LRP1B: variants seen among roughly 807,000 people sequenced by gnomAD.
LRP1B encodes the protein low-density lipoprotein receptor-related protein 1B.
Under a neutral mutation model 556.6 loss-of-function variants are expected in LRP1B, and 217 were observed. The ratio of observed to expected loss-of-function variants is 0.39; its 90% confidence interval spans 0.35 to 0.44. The LOEUF (loss-of-function observed/expected upper bound fraction) is 0.44. LRP1B is among the 20% of genes least tolerant of loss of function. The pLI is 1.00. For synonymous variants in LRP1B, 2,047 were observed against 1,865.8 expected (o/e 1.10, Z -2.50); for missense variants, 5,053 against 5,620.8 (o/e 0.90, Z 3.23).
chr2:141,396,926 A>C (rs2104916517), intron 3 of LRP1B, among the ~76,000 whole-genome samples: 1 of 151,896 alleles, frequency 6.6e-6, no homozygotes, highest in African/African-American at 2.4e-5. Context: ...CAGCCTGACC[A>C]ACTTGGAGAA....
In LRP1B at chr2:142,124,814, C is replaced by A. The variant is rs1361507402; in HGVS notation, c.82+5834G>T. ...CAAACTAGAAATATGTTGCATAATT[C>A]TTTCAGGGAAATATGTTGTTGTTAT... On this transcript the variant is annotated intron_variant, in intron 1 of 90. Coordinates refer to ENST00000389484, the MANE Select transcript of LRP1B (RefSeq NM_018557.3). Among the ~76,000 whole-genome samples the A allele has an allele frequency of 2.6e-5, 4 of 151,732 alleles. No individual in the cohort carries two copies. The South Asian group carries it at 6.2e-4, about 24-fold the overall frequency.
intron 1 of LRP1B, among the ~76,000 whole-genome samples, chr2:141,825,928 C>A (rs1486088271): frequency 9.2e-5 from 14 of 151,984 alleles, no homozygotes; most frequent in Admixed American, 7.2e-4. Context: ...GTTCATTTTT[C>A]CATAATAAAG....
chr2:141,314,635 G>T (rs2714172), intron 3 of LRP1B, among the ~76,000 whole-genome samples: 2 of 150,324 alleles, frequency 1.3e-5, no homozygotes, highest in African/African-American at 4.9e-5. Flanking sequence ...ACTAAAAATA[G>T]AAAAAATTAG....
At chr2:141,845,441 G>T (rs141767447) in intron 1 of LRP1B, among the ~76,000 whole-genome samples, 2 of 151,824 alleles carry the variant, frequency 1.3e-5, no homozygotes, top group African/African-American at 2.4e-5. Flanking sequence ...ATAATTTTCC[G>T]CAAGATAATA....
At chr2:142,084,435 CAAG>C (rs1041051321) in intron 1 of LRP1B, among the ~76,000 whole-genome samples, 3 of 150,868 alleles carry the variant, frequency 2.0e-5, no homozygotes, top group Non-Finnish European at 4.4e-5. Context: ...TCACGCTCTT[CAAG>C]AAGATCTCAT....
At chr2:142,104,466 T>C (rs947335942) in intron 1 of LRP1B, among the ~76,000 whole-genome samples, 5 of 152,252 alleles carry the variant, frequency 3.3e-5, no homozygotes, top group East Asian at 1.9e-4. Context: ...TTAGCAAAGA[T>C]TGGCCTGAAA....
In LRP1B at chr2:140,598,803, T is replaced by C; in HGVS notation, c.7022A>G (p.His2341Arg). Reference protein sequence around the residue: ...LMFWTNWNEQHPSIMRSTLTG... With the variant: ...LMFWTNWNEQRPSIMRSTLTG... ...CAGAGTAGATCTCATGATACTTGGA[T>C]GTTGTTCATTCCAGTTGGTCCAAAA... Residue 2341 changes from histidine (H) to arginine (R), a missense_variant, in exon 43 of 91, where the codon CAT becomes CGT. Transcript: ENST00000389484. 1.2e-6 allele frequency: 2 copies of C among 1,610,774 alleles called. No homozygotes were observed. The highest frequency in any genetic ancestry group is 2.2e-5 in the East Asian group (1 of 44,772).
intron 3 of LRP1B, among the ~76,000 whole-genome samples, chr2:141,258,212 G>A (rs1397335156): frequency 1.3e-5 from 2 of 152,210 alleles, no homozygotes; most frequent in Non-Finnish European, 2.9e-5. Flanking sequence ...GTCGCTGGAA[G>A]TGGTGGCTCA....
At chr2:140,550,751 T>C (rs368882405) in intron 43 of LRP1B, among the ~76,000 whole-genome samples, 16 of 152,262 alleles carry the variant, frequency 1.1e-4, no homozygotes, top group African/African-American at 3.6e-4. Flanking sequence ...TGGATTTCTT[T>C]AGAGATAGCA....
At chr2:141,246,172 G>A (rs980186312) in intron 5 of LRP1B, among the ~76,000 whole-genome samples, 2 of 152,184 alleles carry the variant, frequency 1.3e-5, no homozygotes, top group Admixed American at 6.5e-5. Context: ...GTGATGTAGA[G>A]GGTATATACC....
At chr2:141,331,495 T>C (rs1687644018) in intron 3 of LRP1B, among the ~76,000 whole-genome samples, 1 of 139,778 alleles carries the variant, frequency 7.2e-6, no homozygotes, top group African/African-American at 2.9e-5. Flanking sequence ...CTTTTCTTTC[T>C]TTCTTTCCTT....
intron 1 of LRP1B, among the ~76,000 whole-genome samples, chr2:142,038,105 A>G (rs1164851894): frequency 6.6e-6 from 1 of 151,508 alleles, no homozygotes; most frequent in Non-Finnish European, 1.5e-5. Context: ...TTAAAGCAAC[A>G]CTTTTGATCT....
intron 2 of LRP1B, among the ~76,000 whole-genome samples, chr2:141,730,153 C>T (rs531204276): frequency 8.9e-4 from 135 of 152,184 alleles, no homozygotes; most frequent in African/African-American, 3.1e-3. Flanking sequence ...TTTTGGCTTT[C>T]GTAGTAGAAG....
chr2:140,352,315 A>G (rs1170022287), intron 76 of LRP1B, among the ~76,000 whole-genome samples: 1 of 151,972 alleles, frequency 6.6e-6, no homozygotes, highest in Non-Finnish European at 1.5e-5. Context: ...AGCTGGGACT[A>G]CAGGTGTGTA....
intron 60 of LRP1B, among the ~76,000 whole-genome samples, chr2:140,461,900 T>C (rs1434632089): frequency 2.0e-5 from 3 of 152,128 alleles, no homozygotes; most frequent in Non-Finnish European, 2.9e-5. Context: ...AAAAATAGGA[T>C]ATAGAATGCA....
intron 63 of LRP1B, among the ~76,000 whole-genome samples, chr2:140,446,855 AC>A (rs1335848259): frequency 6.6e-6 from 1 of 152,078 alleles, no homozygotes; most frequent in Non-Finnish European, 1.5e-5. Flanking sequence ...AAACTTATGT[AC>A]AAAAAAAGAA....
chr2:141,452,191 A>T (rs972346525), intron 3 of LRP1B, among the ~76,000 whole-genome samples: 9 of 152,176 alleles, frequency 5.9e-5, no homozygotes, highest in African/African-American at 2.2e-4. Context: ...CTGGAAAAAA[A>T]AAGAGATAAG....
At chr2:141,345,557 A>G (rs1406330643) in intron 3 of LRP1B, among the ~76,000 whole-genome samples, 1 of 151,960 alleles carries the variant, frequency 6.6e-6, no homozygotes, top group Non-Finnish European at 1.5e-5. Context: ...CAGCATGAAC[A>G]TAGCTCACTG....
At chr2:141,242,603 T>A (rs1247733220) in intron 5 of LRP1B, among the ~76,000 whole-genome samples, 1 of 152,046 alleles carries the variant, frequency 6.6e-6, no homozygotes, top group Non-Finnish European at 1.5e-5. Flanking sequence ...ATCCTGAAGT[T>A]TTTTAATAGG....
Sources: gnomAD v4.1 joint callset for allele counts (sites outside exome capture counted in the v4.1 genomes callset) on GRCh38, gnomAD v4.1.1 for gene constraint, MANE v1.5 for transcripts, NCBI Gene and HGNC (gene_info 2026-07-23, HGNC 2026-07-21) for gene names.